TM2D1: variants seen among roughly 807,000 people sequenced by gnomAD.
TM2D1 encodes TM2 domain-containing protein 1.
Under a neutral mutation model 28.4 loss-of-function variants are expected in TM2D1, and 15 were observed. That is an observed-to-expected ratio of 0.53 (90% CI 0.35 to 0.81). The LOEUF is 0.81. Among genes scored for constraint, TM2D1 ranks in the 40% least tolerant of loss-of-function variants. The probability of loss-of-function intolerance (pLI) is 0.01; values close to 1 mark genes in which losing one functional copy is unlikely to be tolerated. For missense variants in TM2D1, 236 were observed against 254.9 expected, an observed-to-expected ratio of 0.93 and a Z score of 0.50; for synonymous variants, 93 against 96.2, an observed-to-expected ratio of 0.97 and a Z score of 0.20.
At chr1:61,694,636 G>A (rs762044103) in intron 5 of TM2D1, 61 bp downstream of exon 5, 1 of 1,112,180 alleles carries the variant, frequency 9.0e-7, no homozygotes, top group Non-Finnish European at 1.3e-6. Flanking sequence ...AATAGAACAG[G>A]AGATCACAGA....
rs1184730867 is a variant in TM2D1, at chr1:61,724,995, G to A, written c.126C>T (p.Gly42=). Reference sequence around the variant, plus strand: ...GGTCCTCGCACTTAAGCGACTCCTCGCCCCCGGCGGAGGTGGCAACAGCCC... The same window carrying A: ...GGTCCTCGCACTTAAGCGACTCCTCACCCCCGGCGGAGGTGGCAACAGCCC... ...PWGAVATSAG[G]EESLKCEDLK... is the part of the protein sequence containing the mutation. Residue 42 remains glycine, a synonymous_variant, in exon 1 of 7, where the codon GGC becomes GGT. Coordinates refer to ENST00000606498, the MANE Select transcript of TM2D1 (RefSeq NM_032027.3). 6.8e-6 allele frequency: 11 copies of A among 1,608,484 alleles called. No individual in the cohort carries two copies. The highest frequency in any genetic ancestry group is 1.7e-5 in the Admixed American group (1 of 59,770).
chr1:61,707,858 T>C (rs1644451819), intron 3 of TM2D1, among the ~76,000 whole-genome samples: 1 of 152,202 alleles, frequency 6.6e-6, no homozygotes, highest in African/African-American at 2.4e-5. Context: ...TCAATGCATC[T>C]GTACAGTGGC....
intron 5 of TM2D1, among the ~76,000 whole-genome samples, chr1:61,688,012 T>C (rs554280854): frequency 6.6e-6 from 1 of 152,262 alleles, no homozygotes; most frequent in African/African-American, 2.4e-5. Flanking sequence ...ATCTGATTAG[T>C]CACATTTTAA....
chr1:61,697,313 C>CT (rs984810313), intron 4 of TM2D1, among the ~76,000 whole-genome samples: 2 of 151,666 alleles, frequency 1.3e-5, no homozygotes, highest in African/African-American at 2.4e-5. Context: ...TCTTTCTTTT[C>CT]TTTTTTTCTT....
intron 2 of TM2D1, among the ~76,000 whole-genome samples, chr1:61,715,579 C>T (rs1488073613): frequency 8.4e-6 from 1 of 118,976 alleles, no homozygotes; most frequent in Admixed American, 1.2e-4. Flanking sequence ...ACCCGAGAGG[C>T]AGTGGTTGCA....
chr1:61,691,024 T>C (rs1318158639), intron 5 of TM2D1, among the ~76,000 whole-genome samples: 1 of 152,178 alleles, frequency 6.6e-6, no homozygotes, highest in Non-Finnish European at 1.5e-5. Context: ...TTTTAAAAAA[T>C]TGTGACAAAG....
chr1:61,724,506 A>G (rs1045410675), intron 1 of TM2D1: 2 of 155,760 alleles, frequency 1.3e-5, no homozygotes, highest in African/African-American at 4.8e-5. Context: ...ATGAGGTAAT[A>G]TGCATAATAT....
At chr1:61,724,915 T>A in intron 1 of TM2D1, 42 bp downstream of exon 1, 1 of 1,541,964 alleles carries the variant, frequency 6.5e-7, no homozygotes, top group Non-Finnish European at 8.8e-7. Context: ...CGACCCCAAC[T>A]CTACCTCGCC....
chr1:61,715,672 A>C (rs1431575823), intron 2 of TM2D1, among the ~76,000 whole-genome samples: 33 of 146,268 alleles, frequency 2.3e-4, no homozygotes, highest in Non-Finnish European at 3.7e-4. Flanking sequence ...AAAAAAAAAA[A>C]AAACAAGAAA....
intron 3 of TM2D1, among the ~76,000 whole-genome samples, chr1:61,703,710 G>A (rs1484141889): frequency 8.3e-6 from 1 of 120,658 alleles, no homozygotes; most frequent in Non-Finnish European, 1.6e-5. Flanking sequence ...ACTGCACCTA[G>A]CCAATCTTTA....
intron 3 of TM2D1, among the ~76,000 whole-genome samples, chr1:61,708,145 C>T (rs938472703): frequency 3.3e-5 from 5 of 152,068 alleles, no homozygotes; most frequent in Non-Finnish European, 7.4e-5. Context: ...AACTCCTGGG[C>T]CCAAGTAATT....
At chr1:61,708,303 G>A (rs1644454745) in intron 3 of TM2D1, among the ~76,000 whole-genome samples, 2 of 152,078 alleles carry the variant, frequency 1.3e-5, no homozygotes, top group South Asian at 4.1e-4. Flanking sequence ...CCTGCAATTG[G>A]CCTCCCAAAG....
intron 4 of TM2D1, among the ~76,000 whole-genome samples, chr1:61,696,411 C>T (rs376472457): frequency 2.0e-5 from 3 of 152,052 alleles, no homozygotes; most frequent in South Asian, 2.1e-4. Context: ...TGGTGGCATA[C>T]GCCTGTGATC....
chr1:61,693,547 T>C (rs1180625316), intron 5 of TM2D1, among the ~76,000 whole-genome samples: 1 of 152,184 alleles, frequency 6.6e-6, no homozygotes. Flanking sequence ...GTCCCACAGT[T>C]AGAGAAGGCA....
At chr1:61,721,956 A>T (rs1318395953) in intron 2 of TM2D1, among the ~76,000 whole-genome samples, 2 of 144,116 alleles carry the variant, frequency 1.4e-5, no homozygotes, top group Non-Finnish European at 3.1e-5. Flanking sequence ...ACAGCTAAAA[A>T]AAAAAAAAAA....
chr1:61,699,625 T>A (rs1476644148), intron 4 of TM2D1: 2 of 152,348 alleles, frequency 1.3e-5, no homozygotes. Context: ...CTTCAAACCC[T>A]AGCTCAAATG....
At chr1:61,712,697 CA>C (rs1644487510) in intron 2 of TM2D1, among the ~76,000 whole-genome samples, 1 of 152,128 alleles carries the variant, frequency 6.6e-6, no homozygotes, top group Admixed American at 6.5e-5. Context: ...AGGTGTGAGC[CA>C]CCGTACCCAG....
rs1276207885 is a variant in TM2D1 at position 61,710,493 on chromosome 1, TATACACACATAC to T, written c.239-1068_239-1057del. Among the ~76,000 whole-genome samples, 64 of 51,622 alleles carry T rather than the reference TATACACACATAC, an allele frequency of 1.2e-3. 2 individuals carry two copies. In the East Asian group the frequency reaches 0.031, roughly 25 times the overall value. 33.9% of individuals were successfully genotyped at this position (51,622 alleles called of 152,430 possible). On this transcript the variant is annotated intron_variant, in intron 2 of 6. Transcript: ENST00000606498. Reference sequence around the variant, plus strand: ...ATATATATACACACACACACACACATATACACACATACACACACACACACACACACACACACA... The same window carrying T: ...ATATATATACACACACACACACACATACACACACACACACACACACACACA...
chr1:61,706,635 C>CA (rs144418307), intron 3 of TM2D1, among the ~76,000 whole-genome samples: 5,674 of 151,750 alleles, frequency 0.037, 304 homozygotes, highest in African/African-American at 0.12. Flanking sequence ...ATGGAGAAAC[C>CA]CCGTCTCTAC....
Sources: allele counts gnomAD v4.1 joint callset (sites outside exome capture counted in the v4.1 genomes callset), GRCh38; gene constraint gnomAD v4.1.1; transcripts MANE v1.5; gene names NCBI Gene and HGNC (gene_info 2026-07-23, HGNC 2026-07-21).